Variants in MYRIP observed in about 807,000 individuals in gnomAD.
MYRIP encodes myosin VIIA and Rab interacting protein, also known as rab effector MyRIP.
A neutral mutation model predicts 98.0 loss-of-function variants in MYRIP; 49 were observed. The ratio of observed to expected loss-of-function variants is 0.50; its 90% CI spans 0.40 to 0.63. The LOEUF is 0.63. MYRIP is among the 30% of genes least tolerant of loss of function. The pLI is 0.00. For synonymous variants in MYRIP, 404 were observed against 409.5 expected, an observed-to-expected ratio of 0.99 and a Z score of 0.16; for missense variants, 1,004 against 1,058.2, an observed-to-expected ratio of 0.95 and a Z score of 0.71.
intron 1 of MYRIP, among the ~76,000 whole-genome samples, chr3:39,847,075 CCT>C (rs1445687010): frequency 6.6e-6 from 1 of 152,174 alleles, no homozygotes; most frequent in Admixed American, 6.5e-5. Context: ...CCAAAAACAC[CCT>C]GCAAGTTGAC....
At chr3:39,960,029 C>G (rs917400269) in intron 2 of MYRIP, among the ~76,000 whole-genome samples, 1 of 152,092 alleles carries the variant, frequency 6.6e-6, no homozygotes, top group Non-Finnish European at 1.5e-5. Flanking sequence ...CCTGAGCTCT[C>G]AGGCATCTCC....
chr3:40,188,927 A>G (rs1951117914), intron 9 of MYRIP, among the ~76,000 whole-genome samples: 1 of 152,204 alleles, frequency 6.6e-6, no homozygotes, highest in Admixed American at 6.5e-5. Flanking sequence ...CTTAAACAAG[A>G]CAAAACAACT....
At position 40,251,892 on chromosome 3, in the gene MYRIP, G is replaced by T; in HGVS notation, c.2440G>T (p.Glu814Ter). ...TTATTTCCTTTTAGCTGAAAAAATT[G>T]AGACATCTTCAGTGACTACCATTAA... Reference protein sequence around the residue: ...PAPPVKAEKIETSSVTTIKTF... With the variant: ...PAPPVKAEKI The change falls in exon 16 of 17, where the codon GAG becomes TAG. Residue 814 changes from glutamate (E) to a stop codon, truncating the protein, a stop_gained. Transcript: ENST00000302541. LOFTEE classifies it high-confidence loss of function. 6.2e-7 allele frequency: 1 copy of T among 1,609,558 alleles called. No homozygotes were observed. The highest frequency in any genetic ancestry group is 8.5e-7 in the Non-Finnish European group (1 of 1,176,046).
At chr3:40,134,375 A>G (rs922327819) in intron 3 of MYRIP, among the ~76,000 whole-genome samples, 2 of 152,232 alleles carry the variant, frequency 1.3e-5, no homozygotes, top group African/African-American at 4.8e-5. Flanking sequence ...TAGGTAAACA[A>G]AGCAGCCGGG....
chr3:39,975,191 A>T (rs1945715774), intron 2 of MYRIP, among the ~76,000 whole-genome samples: 1 of 152,242 alleles, frequency 6.6e-6, no homozygotes, highest in Admixed American at 6.5e-5. Flanking sequence ...AGGCAACTTC[A>T]GCAAAGTCTT....
chr3:40,135,903 C>A (rs1949754362), intron 3 of MYRIP, among the ~76,000 whole-genome samples: 1 of 152,198 alleles, frequency 6.6e-6, no homozygotes, highest in South Asian at 2.1e-4. Flanking sequence ...TGGAAAGGAA[C>A]AACCGATACC....
chr3:39,961,741 C>G (rs900673794), intron 2 of MYRIP, among the ~76,000 whole-genome samples: 18 of 152,120 alleles, frequency 1.2e-4, no homozygotes, highest in Non-Finnish European at 2.1e-4. Flanking sequence ...TATTTCTACT[C>G]TTGAAATTAG....
chr3:40,211,052 G>T lies in MYRIP; in HGVS notation c.1905+959G>T, dbSNP rs1015301302. On this transcript the variant is annotated intron_variant, in intron 11 of 16. Coordinates refer to ENST00000302541, the MANE Select transcript of MYRIP (RefSeq NM_015460.4). ...GGTCCTTAAATAACCCTTTGAAATA[G>T]AAGCAGCCCATTTTTGCAGAAGAGG... Among the ~76,000 whole-genome samples, 5 of 152,104 alleles carry T rather than the reference G, an allele frequency of 3.3e-5. No individual in the cohort carries two copies. The South Asian group carries it at 1.0e-3, about 32-fold the overall frequency.
intron 2 of MYRIP, among the ~76,000 whole-genome samples, chr3:39,995,094 AC>A (rs1193460116): frequency 6.6e-6 from 1 of 152,242 alleles, no homozygotes. Context: ...GGGGAAAAAA[AC>A]AGCAGAAAAA....
chr3:40,052,422 A>G (rs1947811403), intron 3 of MYRIP, among the ~76,000 whole-genome samples: 1 of 152,180 alleles, frequency 6.6e-6, no homozygotes, highest in Non-Finnish European at 1.5e-5. Flanking sequence ...ATCCTTTGAA[A>G]AATACATTAA....
intron 2 of MYRIP, among the ~76,000 whole-genome samples, chr3:39,941,643 A>T (rs1309180688): frequency 1.3e-5 from 2 of 152,162 alleles, no homozygotes; most frequent in Admixed American, 1.3e-4. Flanking sequence ...TAGATATGAC[A>T]GCATTAGATT....
chr3:39,885,482 T>G (rs1943269822), intron 1 of MYRIP, among the ~76,000 whole-genome samples: 1 of 152,088 alleles, frequency 6.6e-6, no homozygotes, highest in Non-Finnish European at 1.5e-5. Flanking sequence ...GTCTTGGAGT[T>G]GCTCTTCTCG....
intron 2 of MYRIP, among the ~76,000 whole-genome samples, chr3:39,968,084 A>G (rs1945484606): frequency 6.6e-6 from 1 of 152,034 alleles, no homozygotes; most frequent in Non-Finnish European, 1.5e-5. Context: ...GTTTAATTAG[A>G]TCACACTTGA....
At chr3:40,104,360 A>T (rs767273521) in intron 3 of MYRIP, among the ~76,000 whole-genome samples, 5 of 152,144 alleles carry the variant, frequency 3.3e-5, no homozygotes, top group African/African-American at 1.2e-4. Flanking sequence ...AATATTCTCC[A>T]TTTTCTCAGT....
At chr3:40,135,303 T>C (rs1949740016) in intron 3 of MYRIP, among the ~76,000 whole-genome samples, 1 of 151,770 alleles carries the variant, frequency 6.6e-6, no homozygotes, top group African/African-American at 2.4e-5. Context: ...ACAAAATGAA[T>C]GAAATGAAGC....
intron 2 of MYRIP, among the ~76,000 whole-genome samples, chr3:40,005,929 G>A (rs6781369): frequency 0.1 from 15,356 of 152,160 alleles, 1,351 homozygotes; most frequent in African/African-American, 0.23. Flanking sequence ...GAGAGTCACA[G>A]GGGGATTTAA....
rs1457013632 is a variant in MYRIP, at chr3:40,250,337, C to G, written c.2367+11C>G. On this transcript the variant is annotated intron_variant, in intron 14 of 16. Transcript: ENST00000302541. ...AAGCAAAGGACCCAGGTGTGTTTGTCCCTTTCTCCCTCTGTTGGAATGTTA... is the reference window on the plus strand; with the variant it reads ...AAGCAAAGGACCCAGGTGTGTTTGTGCCTTTCTCCCTCTGTTGGAATGTTA... 3.1e-6 allele frequency: 5 copies of G among 1,613,000 alleles called. No homozygotes were observed. The Admixed American group carries it at 8.3e-5, about 27-fold the overall frequency.
chr3:40,204,199 ATTAT>A (rs1397506521), intron 10 of MYRIP, among the ~76,000 whole-genome samples: 19 of 33,054 alleles, frequency 5.7e-4, no homozygotes, highest in South Asian at 1.2e-3. Context: ...TAAATATTAT[ATTAT>A]ATATTTATAT....
chr3:39,962,185 A>G (rs904516691), intron 2 of MYRIP, among the ~76,000 whole-genome samples: 1 of 152,116 alleles, frequency 6.6e-6, no homozygotes, highest in Non-Finnish European at 1.5e-5. Context: ...TTATAATAAT[A>G]CCACCTATCT....
Sources: gnomAD v4.1 joint callset for allele counts (sites outside exome capture counted in the v4.1 genomes callset) on GRCh38, gnomAD v4.1.1 for gene constraint, MANE v1.5 for transcripts, NCBI Gene and HGNC (gene_info 2026-07-23, HGNC 2026-07-21) for gene names.